DIAPH1: variants seen among roughly 807,000 people sequenced by gnomAD.
DIAPH1 encodes the protein protein diaphanous homolog 1.
In DIAPH1, 46 loss-of-function variants were observed where a neutral mutation model predicts 140.7. That is an observed-to-expected ratio of 0.33 (90% CI 0.26 to 0.42). The LOEUF (loss-of-function observed/expected upper bound fraction) is 0.42, where lower values mean the gene tolerates loss of function less well. Among genes scored for constraint, DIAPH1 ranks in the 10% least tolerant of loss-of-function variants. DIAPH1 has a pLI of 1.00. For missense variants in DIAPH1, 1,310 were observed against 1,558.7 expected (o/e 0.84, Z 2.69); for synonymous variants, 565 against 551.6 (o/e 1.02, Z -0.34).
intron 19 of DIAPH1, among the ~76,000 whole-genome samples, chr5:141,532,601 GCATACCTC>G (rs1270285183): frequency 6.6e-6 from 1 of 152,058 alleles, no homozygotes. Context: ...AAACATTCTA[GCATACCTC>G]CATCATAGCA....
intron 24 of DIAPH1, 39 bp downstream of exon 24, chr5:141,527,534 C>T (rs2154594975): frequency 6.2e-7 from 1 of 1,610,900 alleles, no homozygotes. Context: ...TTTTCTTTCC[C>T]TTCCTAGGGA....
intron 1 of DIAPH1, among the ~76,000 whole-genome samples, chr5:141,593,932 T>C (rs548792148): frequency 1.3e-5 from 2 of 152,298 alleles, no homozygotes; most frequent in Non-Finnish European, 2.9e-5. Context: ...CCCGAGTAGC[T>C]GGGATTACAG....
In DIAPH1 at chr5:141,575,057, C is replaced by T; in HGVS notation, c.1551G>A (p.Gln517=). ...CAGAATGCAGTGCATCTTTTTCTCC[C>T]TGAAGATCTTGAAGCTTCTGCTCAA... ...SDFEQKLQDL[Q]GEKDALHSEK... The change falls in exon 15 of 28, where the codon CAG becomes CAA. Residue 517 remains glutamine (Q), a synonymous_variant. Coordinates refer to ENST00000389054, the MANE Select transcript of DIAPH1 (RefSeq NM_005219.5). The T allele has an allele frequency of 6.2e-7, 1 of 1,614,164 alleles. No homozygotes were observed. The highest frequency in any genetic ancestry group is 8.5e-7 in the Non-Finnish European group (1 of 1,180,024).
chr5:141,615,166 T>C (rs1298392830), intron 1 of DIAPH1, among the ~76,000 whole-genome samples: 1 of 152,154 alleles, frequency 6.6e-6, no homozygotes, highest in African/African-American at 2.4e-5. Context: ...CCGGACGAGG[T>C]GGCTCACGCC....
intron 18 of DIAPH1, among the ~76,000 whole-genome samples, chr5:141,562,706 A>G (rs2099893779): frequency 1.3e-5 from 2 of 152,148 alleles, no homozygotes; most frequent in South Asian, 4.1e-4. Flanking sequence ...ACTCCTTGCA[A>G]ACTAGCCTGT....
At chr5:141,536,752 GCCTGAGA>G (rs1336586864) in intron 18 of DIAPH1, among the ~76,000 whole-genome samples, 1 of 152,128 alleles carries the variant, frequency 6.6e-6, no homozygotes, top group Non-Finnish European at 1.5e-5. Flanking sequence ...AAATGCAAAG[GCCTGAGA>G]TAGAGCATGT....
chr5:141,583,739 C>T, intron 4 of DIAPH1, 124 bp from the exon 5 acceptor site: 1 of 1,346,042 alleles, frequency 7.4e-7, no homozygotes, highest in Non-Finnish European at 1.0e-6. Flanking sequence ...CAAGGTCTTA[C>T]TACGTTGCCC....
intron 18 of DIAPH1, among the ~76,000 whole-genome samples, chr5:141,549,145 T>G (rs1226508917): frequency 6.6e-6 from 1 of 152,100 alleles, no homozygotes; most frequent in Non-Finnish European, 1.5e-5. Flanking sequence ...ACTAAATATG[T>G]GCTGCTTATA....
At chr5:141,589,660 G>A (rs577115488) in intron 1 of DIAPH1, among the ~76,000 whole-genome samples, 303 of 152,082 alleles carry the variant, frequency 2.0e-3, no homozygotes, top group Non-Finnish European at 3.6e-3. Flanking sequence ...GGGTGGGGTC[G>A]TGATTGGGGA....
intron 18 of DIAPH1, among the ~76,000 whole-genome samples, chr5:141,551,671 G>T (rs1163190919): frequency 6.6e-6 from 1 of 151,908 alleles, no homozygotes; most frequent in East Asian, 1.9e-4. Context: ...AAAATCAAAA[G>T]AAAAAATATA....
Position 141,576,891 on chromosome 5 carries a change from G to A in DIAPH1, c.1281-20C>T. The A allele has an allele frequency of 7.2e-7, 1 of 1,391,374 alleles. No individual in the cohort carries two copies. The highest frequency in any genetic ancestry group is 1.2e-5 in the South Asian group (1 of 86,540). The allele number at this position is 1,391,374 out of a possible 1,614,324, so 86.2% of individuals were successfully genotyped here. On this transcript the variant is annotated intron_variant, in intron 12 of 27. Coordinates refer to ENST00000389054, the MANE Select transcript of DIAPH1 (RefSeq NM_005219.5). Reference sequence around the variant, plus strand: ...TGAGGTCTACAAGAGAATAAAAACAGGGTCATCAAAGGAAAATCAAAATAT... The same window carrying A: ...TGAGGTCTACAAGAGAATAAAAACAAGGTCATCAAAGGAAAATCAAAATAT...
At position 141,572,119 on chromosome 5, in the gene DIAPH1, A is replaced by G. The variant is rs572359568; in HGVS notation, c.2359-79T>C. ...GTCCTAGAAAACGGATGAGGCTGTA[A>G]AATAGGTGGCTGGCTGATTATCAGC... On this transcript the variant is annotated intron_variant, in intron 16 of 27. Transcript: ENST00000389054. 3.2e-5 allele frequency: 32 copies of G among 996,882 alleles called. No homozygotes were observed. In the East Asian group the frequency reaches 7.4e-4, roughly 23 times the overall value. The allele number at this position is 996,882 out of a possible 1,614,324, so 61.8% of individuals were successfully genotyped here.
In DIAPH1 at chr5:141,586,950, T is replaced by C. The variant is rs73282312; in HGVS notation, c.300+92A>G. The C allele has an allele frequency of 1.1e-3, 1,454 of 1,355,732 alleles. 7 individuals carry two copies. In the African/African-American group the frequency reaches 0.018, roughly 16 times the overall value. 84.0% of individuals were successfully genotyped at this position (1,355,732 alleles called of 1,614,324 possible). A position where few individuals can be genotyped will look rare whatever the true frequency, so the allele number is the denominator to read the frequency against. On this transcript the variant is annotated intron_variant, in intron 3 of 27. Transcript: ENST00000389054. ...ATGTTAAGCCTGGAATTCTTTGTAATAAAGGGCTAGTTGGGAATTATGCAC... is the reference window on the plus strand; with the variant it reads ...ATGTTAAGCCTGGAATTCTTTGTAACAAAGGGCTAGTTGGGAATTATGCAC...
At chr5:141,602,927 T>C (rs1346568077) in intron 1 of DIAPH1, among the ~76,000 whole-genome samples, 1 of 152,160 alleles carries the variant, frequency 6.6e-6, no homozygotes, top group African/African-American at 2.4e-5. Context: ...CACCACTTAT[T>C]GGTGCCTGCA....
Position 141,526,147 on chromosome 5 carries a change from C to T in DIAPH1, c.3465G>A (p.Arg1155=), listed in dbSNP as rs377665243. 6.2e-7 allele frequency: 1 copy of T among 1,613,984 alleles called. No individual in the cohort carries two copies. The highest frequency in any genetic ancestry group is 8.5e-7 in the Non-Finnish European group (1 of 1,180,044). The change falls in exon 26 of 28, where the codon CGG becomes CGA. Residue 1155 remains arginine (R), a synonymous_variant. Coordinates refer to ENST00000389054, the MANE Select transcript of DIAPH1 (RefSeq NM_005219.5). The part of the protein sequence containing the change: ...FLQAVKENQK[R]RETEEKMRRA... Reference sequence around the variant, plus strand: ...GCCTCATCTTTTCTTCTGTCTCCCGCCGCTTCTGGTTCTCCTTGACTGCTT... The same window carrying T: ...GCCTCATCTTTTCTTCTGTCTCCCGTCGCTTCTGGTTCTCCTTGACTGCTT...
chr5:141,593,752 C>A (rs1449152708), intron 1 of DIAPH1, among the ~76,000 whole-genome samples: 1 of 152,240 alleles, frequency 6.6e-6, no homozygotes, highest in East Asian at 1.9e-4. Context: ...TACATACCTA[C>A]TAGAATAGCC....
At chr5:141,546,193 C>T (rs542596069) in intron 18 of DIAPH1, among the ~76,000 whole-genome samples, 1 of 152,138 alleles carries the variant, frequency 6.6e-6, no homozygotes, top group African/African-American at 2.4e-5. Context: ...CGCAGCCTGG[C>T]CAACATGGCG....
At chr5:141,609,374 C>T (rs1264885438) in intron 1 of DIAPH1, among the ~76,000 whole-genome samples, 1 of 152,140 alleles carries the variant, frequency 6.6e-6, no homozygotes, top group African/African-American at 2.4e-5. Flanking sequence ...TTTTACACTG[C>T]AGGCACAAAA....
chr5:141,554,201 T>A (rs1464203148), intron 18 of DIAPH1, among the ~76,000 whole-genome samples: 1 of 151,924 alleles, frequency 6.6e-6, no homozygotes, highest in Non-Finnish European at 1.5e-5. Flanking sequence ...CGCTTGAACC[T>A]GAGAGGCAGA....
Sources: gnomAD v4.1 joint callset for allele counts (sites outside exome capture counted in the v4.1 genomes callset) on GRCh38, gnomAD v4.1.1 for gene constraint, MANE v1.5 for transcripts, NCBI Gene and HGNC (gene_info 2026-07-23, HGNC 2026-07-21) for gene names.